SART1: variants seen among roughly 807,000 people sequenced by gnomAD.
The protein encoded by SART1 is U4/U6.U5 tri-snRNP-associated protein 1.
In SART1, 28 loss-of-function variants were observed where a neutral mutation model predicts 105.0. The ratio of observed to expected loss-of-function variants is 0.27; its 90% CI spans 0.20 to 0.37. The LOEUF (loss-of-function observed/expected upper bound fraction) is 0.37, where lower values mean the gene tolerates loss of function less well. Ranked by LOEUF, SART1 falls within the 10% of genes least tolerant of loss-of-function variation. The pLI, the probability that SART1 is intolerant of heterozygous loss-of-function variation, is 1.00. For missense variants in SART1, 894 were observed against 1,106.5 expected, an observed-to-expected ratio of 0.81 and a Z score of 2.72; for synonymous variants, 472 against 462.9, an observed-to-expected ratio of 1.02 and a Z score of -0.25.
chr11:65,975,410 ATTTTTTTTTTT>A (rs531946236), intron 12 of SART1, among the ~76,000 whole-genome samples: 2 of 110,138 alleles, frequency 1.8e-5, no homozygotes, highest in Admixed American at 2.2e-4. Context: ...CCCTGGAAGA[ATTTTTTTTTTT>A]TTTTTTTTTC....
chr11:65,977,172 C>T (rs557506309), intron 15 of SART1, 71 bp downstream of exon 15: 59 of 1,140,570 alleles, frequency 5.2e-5, no homozygotes, highest in Middle Eastern at 2.4e-4. Flanking sequence ...GGGCCCCCTC[C>T]GGTCCCCTCT....
chr11:65,962,482 C>T (rs1329522679), intron 1 of SART1, among the ~76,000 whole-genome samples: 1 of 152,224 alleles, frequency 6.6e-6, no homozygotes, highest in African/African-American at 2.4e-5. Flanking sequence ...GTAGTGTCAG[C>T]ATATACAGAG....
Position 65,977,079 on chromosome 11 carries a change from C to A in SART1, c.1923C>A (p.Ala641=). ...TCGTGAATAGGGGGCTGGCAGCTGC[C>A]CTGCTCCTGTGTCAGAACAAAGGTA... ...EPIVNRGLAA[A]LLLCQNKGLL... is the part of the protein sequence containing the mutation. The change falls in exon 15 of 20, where the codon GCC becomes GCA. Residue 641 remains alanine (A), a synonymous_variant. Coordinates refer to ENST00000312397, the MANE Select transcript of SART1 (RefSeq NM_005146.5). 1 of 1,613,842 alleles carries A rather than the reference C, an allele frequency of 6.2e-7. No individual in the cohort carries two copies. The highest frequency in any genetic ancestry group is 1.1e-5 in the South Asian group (1 of 91,074).
intron 12 of SART1, among the ~76,000 whole-genome samples, chr11:65,969,105 T>C (rs1193510755): frequency 1.3e-5 from 2 of 151,116 alleles, no homozygotes; most frequent in Non-Finnish European, 3.0e-5. Context: ...GACAGGGGAG[T>C]TGAAAAAGTG....
chr11:65,966,624 G>T, intron 9 of SART1, 68 bp downstream of exon 9: 2 of 1,407,154 alleles, frequency 1.4e-6, no homozygotes, highest in Non-Finnish European at 1.9e-6. Context: ...TGCCCTGCCC[G>T]CAGGCACTGA....
chr11:65,965,332 C>A lies in SART1; in HGVS notation c.555-10C>A, dbSNP rs768865341. On this transcript the variant is annotated splice_polypyrimidine_tract_variant and intron_variant, in intron 4 of 19. Transcript: ENST00000312397. ...TGGGCTCCTTGAGCATCACTTTTTC[C>A]CCTCTTCAGGAAGATAAAGACCCTA... 1 of 1,592,406 alleles carries A rather than the reference C, an allele frequency of 6.3e-7. No individual in the cohort carries two copies. Among genetic ancestry groups the A allele is most frequent in the Non-Finnish European group, 8.6e-7 (1 of 1,169,586 alleles).
chr11:65,965,820 C>T (rs775948759), intron 6 of SART1, 41 bp downstream of exon 6: 2 of 1,613,256 alleles, frequency 1.2e-6, no homozygotes, highest in Admixed American at 3.3e-5. Flanking sequence ...CACTGGTGGC[C>T]TTGCTACCGG....
At chr11:65,966,054 C>T (rs753610379) in intron 7 of SART1, 22 bp from the exon 8 acceptor site, 31 of 1,613,778 alleles carry the variant, frequency 1.9e-5, no homozygotes, top group Non-Finnish European at 2.6e-5. Context: ...TGTGAATGGC[C>T]ACTGCTCTGT....
At chr11:65,962,124 G>GT in intron 1 of SART1, 31 bp downstream of exon 1, 3 of 1,113,048 alleles carry the variant, frequency 2.7e-6, no homozygotes, top group Non-Finnish European at 1.2e-6. Flanking sequence ...CAGGGGGCGG[G>GT]TCGGGCGGGG....
At position 65,979,081 on chromosome 11, in the gene SART1, C is replaced by T. The variant is rs754952771; in HGVS notation, c.*51C>T. On this transcript the variant is annotated 3_prime_UTR_variant, in exon 20 of 20. Coordinates refer to ENST00000312397, the MANE Select transcript of SART1 (RefSeq NM_005146.5). ...CTCAACCTTCATATTAAATAAAGCT[C>T]CCTCCTTATTTTTTCCTCCCTGGTC... 4.3e-5 allele frequency: 69 copies of T among 1,611,100 alleles called. No homozygotes were observed. Among genetic ancestry groups the T allele is most frequent in the Admixed American group, 4.0e-4 (24 of 59,944 alleles).
In SART1 at chr11:65,978,883, G is replaced by A. The variant is rs1173465858; in HGVS notation, c.2353G>A (p.Val785Met). The A allele has an allele frequency of 1.9e-6, 3 of 1,613,920 alleles. No individual in the cohort carries two copies. Among genetic ancestry groups the A allele is most frequent in the Non-Finnish European group, 2.5e-6 (3 of 1,179,998 alleles). The change falls in exon 19 of 20, where the codon GTG (valine) becomes ATG (methionine). Residue 785 changes from valine to methionine, a missense_variant. By Grantham distance (21) the Val-to-Met change is conservative. Transcript: ENST00000312397. This position sits in a 1 kb window ranked among gnomAD's most constrained non-coding sequence, Gnocchi z 6.8. ...KQKAQKTPYI[V>M]LSGSGKSMNA... Reference sequence around the variant, plus strand: ...GAAGGCTCAGAAGACCCCCTACATCGTGCTCAGCGGCAGCGGCAAGAGCAT... The same window carrying A: ...GAAGGCTCAGAAGACCCCCTACATCATGCTCAGCGGCAGCGGCAAGAGCAT...
At chr11:65,969,207 C>T (rs1855322272) in intron 12 of SART1, among the ~76,000 whole-genome samples, 2 of 152,152 alleles carry the variant, frequency 1.3e-5, no homozygotes, top group African/African-American at 2.4e-5. Context: ...CTGTTAGGCA[C>T]CTTGAATGCT....
At chr11:65,972,757 G>C (rs1855403137) in intron 12 of SART1, among the ~76,000 whole-genome samples, 1 of 150,566 alleles carries the variant, frequency 6.6e-6, no homozygotes, top group South Asian at 2.1e-4. Context: ...AGCTATGATA[G>C]CCTGGGTGAT....
In SART1 at chr11:65,962,109, C is replaced by CG; in HGVS notation, c.313+16_313+17insG. The CG allele has an allele frequency of 4.4e-6, 1 of 228,254 alleles. No individual in the cohort carries two copies. The highest frequency in any genetic ancestry group is 7.0e-6 in the Non-Finnish European group (1 of 143,206). The allele number at this position is 228,254 out of a possible 1,614,324, so 14.1% of individuals were successfully genotyped here. ...TACGAGGCCGGTGAGGAGGCGGGGCCTGCGCAGGGGGCGGGTCGGGCGGGG... is the reference window on the plus strand; with the variant it reads ...TACGAGGCCGGTGAGGAGGCGGGGCCGTGCGCAGGGGGCGGGTCGGGCGGGG... On this transcript the variant is annotated intron_variant, in intron 1 of 19. Transcript: ENST00000312397.
At chr11:65,962,212 CCA>C (rs2134899650) in intron 1 of SART1, 119 bp downstream of exon 1, 1 of 746,916 alleles carries the variant, frequency 1.3e-6, no homozygotes, top group East Asian at 3.3e-5. Context: ...AAGCTGTTTA[CCA>C]GCTCTATTAA....
intron 7 of SART1, 25 bp downstream of exon 7, chr11:65,966,011 T>A (rs774990309): frequency 3.8e-5 from 61 of 1,613,576 alleles, no homozygotes; most frequent in Admixed American, 1.2e-4. Flanking sequence ...GTGCCCTGGG[T>A]GGGGGCACAG....
In SART1 at chr11:65,977,011, T is replaced by G. The variant is rs1330607119; in HGVS notation, c.1858-3T>G. Reference sequence around the variant, plus strand: ...CTAACCACCCCCGCCACGTGTCCCGTAGTTCTCTGCTTCCTCCACCACCAT... The same window carrying G: ...CTAACCACCCCCGCCACGTGTCCCGGAGTTCTCTGCTTCCTCCACCACCAT... On this transcript the variant is annotated splice_polypyrimidine_tract_variant and splice_region_variant and intron_variant, in intron 14 of 19. Coordinates refer to ENST00000312397, the MANE Select transcript of SART1 (RefSeq NM_005146.5). 1 of 1,613,194 alleles carries G rather than the reference T, an allele frequency of 6.2e-7. No individual in the cohort carries two copies. The highest frequency in any genetic ancestry group is 1.7e-5 in the Admixed American group (1 of 59,990).
At chr11:65,974,657 T>C (rs1157061456) in intron 12 of SART1, among the ~76,000 whole-genome samples, 2 of 146,982 alleles carry the variant, frequency 1.4e-5, no homozygotes, top group Non-Finnish European at 3.0e-5. Context: ...CCAGCATGGG[T>C]GATAGAGTGA....
rs756662526 is a variant in SART1 at position 65,964,128 on chromosome 11, CTAAG to C, written c.370_371+2del. 1.9e-6 allele frequency: 3 copies of C among 1,612,858 alleles called. No homozygotes were observed. Among genetic ancestry groups the C allele is most frequent in the African/African-American group, 1.3e-5 (1 of 74,938 alleles). On this transcript the variant is annotated splice_donor_variant and coding_sequence_variant, in exon 2 of 20. Coordinates refer to ENST00000312397, the MANE Select transcript of SART1 (RefSeq NM_005146.5). LOFTEE classifies it high-confidence loss of function. ...GCCTCCTCACTCAGCATCGAGGAGA[CTAAG>C]TGAGTACTGTCTCCCTTGTTTCTAC...
Sources: gnomAD v4.1 joint callset for allele counts (sites outside exome capture counted in the v4.1 genomes callset) on GRCh38, gnomAD v4.1.1 for gene constraint, Gnocchi (gnomAD v3.1) non-coding constraint, MANE v1.5 for transcripts, NCBI Gene and HGNC (gene_info 2026-07-23, HGNC 2026-07-21) for gene names.